Variants in OTOGL observed in about 807,000 individuals in gnomAD.
OTOGL encodes the protein otogelin like.
OTOGL carries 285 observed loss-of-function variants against 318.5 expected under a neutral mutation model. That is an observed-to-expected ratio of 0.89 (90% confidence interval 0.81 to 0.99). OTOGL has a LOEUF of 0.99. Among genes scored for constraint, OTOGL ranks in the 50% least tolerant of loss-of-function variants. The pLI is 0.00. For missense variants in OTOGL, 2,899 were observed against 2,845.6 expected, an observed-to-expected ratio of 1.02 and a Z score of -0.43; for synonymous variants, 987 against 936.5, an observed-to-expected ratio of 1.05 and a Z score of -0.99.
At chr12:80,371,991 T>C in intron 56 of OTOGL, 28 bp from the exon 57 acceptor site, 2 of 1,460,896 alleles carry the variant, frequency 1.4e-6, no homozygotes, top group South Asian at 1.4e-5. Flanking sequence ...CCATATTCTT[T>C]GACTTTATTG....
chr12:80,206,498 AC>A (rs1876819504), intron 1 of OTOGL, among the ~76,000 whole-genome samples: 1 of 152,034 alleles, frequency 6.6e-6, no homozygotes, highest in Non-Finnish European at 1.5e-5. Context: ...GCTTCCTCTT[AC>A]AAATTCTACT....
In OTOGL at chr12:80,356,925, T is replaced by C; in HGVS notation, c.6019+11T>C. The C allele has an allele frequency of 4.7e-6, 7 of 1,502,122 alleles. No homozygotes were observed. Among genetic ancestry groups the C allele is most frequent in the Non-Finnish European group, 6.3e-6 (7 of 1,118,532 alleles). 93.0% of individuals were successfully genotyped at this position (1,502,122 alleles called of 1,614,324 possible). A position where few individuals can be genotyped will look rare whatever the true frequency, so the allele number is the denominator to read the frequency against. On this transcript the variant is annotated intron_variant, in intron 49 of 58. Transcript: ENST00000547103. ...TTTCCCCTTTTTGTGGTGAGTATTG[T>C]AGAGATAATTTCTTGGAAGAAGAGA...
chr12:80,256,446 G>A lies in OTOGL; in HGVS notation c.1697G>A (p.Gly566Asp), dbSNP rs543115093. 5.1e-6 allele frequency: 8 copies of A among 1,581,934 alleles called. No homozygotes were observed. The East Asian group carries it at 1.1e-4, about 22-fold the overall frequency. Residue 566 changes from glycine to aspartate, a missense_variant, in exon 17 of 59, where the codon GGC (glycine) becomes GAC (aspartate). Coordinates refer to ENST00000547103, the MANE Select transcript of OTOGL (RefSeq NM_001378609.3). Reference sequence around the variant, plus strand: ...CAAATTCTCACTAGTCCTAACCAAGGCTTCAACCTGAATGGTAAGAAACAG... The same window carrying A: ...CAAATTCTCACTAGTCCTAACCAAGACTTCAACCTGAATGGTAAGAAACAG... The part of the protein sequence containing the change: ...GGQILTSPNQ[G>D]FNLNGIVEIQ...
chr12:80,155,550 A>G (rs1261101111), intron 1 of OTOGL, among the ~76,000 whole-genome samples: 3 of 152,220 alleles, frequency 2.0e-5, no homozygotes, highest in Non-Finnish European at 1.5e-5. Flanking sequence ...CAGGCATGCA[A>G]TGCATAATAA....
chr12:80,225,594 A>T (rs1353286816), intron 7 of OTOGL, among the ~76,000 whole-genome samples: 1 of 152,082 alleles, frequency 6.6e-6, no homozygotes, highest in Non-Finnish European at 1.5e-5. Context: ...AGCTTCACCT[A>T]TTTCCTTCTC....
At chr12:80,314,361 T>C (rs1271013956) in intron 32 of OTOGL, 30 bp downstream of exon 32, 8 of 919,142 alleles carry the variant, frequency 8.7e-6, no homozygotes, top group Non-Finnish European at 1.0e-5. Flanking sequence ...AAAATATCAC[T>C]ATAGTATTCT....
intron 16 of OTOGL, among the ~76,000 whole-genome samples, 158 bp from the exon 17 acceptor site, chr12:80,256,179 A>C (rs1592616171): frequency 6.6e-6 from 1 of 152,098 alleles, no homozygotes; most frequent in Admixed American, 6.6e-5. Flanking sequence ...CAAGGCTTTT[A>C]TATATTAGAA....
At chr12:80,188,764 T>G (rs1875478727) in intron 1 of OTOGL, among the ~76,000 whole-genome samples, 1 of 152,108 alleles carries the variant, frequency 6.6e-6, no homozygotes, top group Admixed American at 6.5e-5. Context: ...AGCCATCTGG[T>G]ATATCCAAAG....
At chr12:80,132,303 A>G (rs1480488899) in intron 1 of OTOGL, among the ~76,000 whole-genome samples, 1 of 152,074 alleles carries the variant, frequency 6.6e-6, no homozygotes, top group African/African-American at 2.4e-5. Context: ...TTGATTTTTA[A>G]TTTATTTATC....
intron 1 of OTOGL, among the ~76,000 whole-genome samples, chr12:80,153,030 T>C (rs1872885987): frequency 6.6e-6 from 1 of 152,216 alleles, no homozygotes; most frequent in African/African-American, 2.4e-5. Flanking sequence ...AAGTACTTTA[T>C]TTTTTAAATA....
intron 26 of OTOGL, among the ~76,000 whole-genome samples, chr12:80,294,393 G>T (rs1471793997): frequency 1.3e-5 from 2 of 151,966 alleles, no homozygotes; most frequent in African/African-American, 2.4e-5. Context: ...CTTTCAATCA[G>T]CTTTTCACAT....
chr12:80,174,672 C>A (rs962804005), intron 1 of OTOGL, among the ~76,000 whole-genome samples: 1 of 152,044 alleles, frequency 6.6e-6, no homozygotes, highest in African/African-American at 2.4e-5. Context: ...TTATGTATCT[C>A]CCAACAGTAT....
chr12:80,318,030 C>A (rs939467030), intron 32 of OTOGL, among the ~76,000 whole-genome samples: 1 of 152,050 alleles, frequency 6.6e-6, no homozygotes. Context: ...ATAATGTATC[C>A]TCTCAGTCTT....
chr12:80,251,564 C>T (rs1881547548), intron 11 of OTOGL, 129 bp from the exon 12 acceptor site: 4 of 640,024 alleles, frequency 6.2e-6, no homozygotes, highest in African/African-American at 3.7e-5. Flanking sequence ...ATGAGTGACA[C>T]ATATGCTGAC....
intron 1 of OTOGL, among the ~76,000 whole-genome samples, chr12:80,163,343 A>G (rs975804868): frequency 1.2e-4 from 19 of 152,262 alleles, no homozygotes; most frequent in African/African-American, 4.1e-4. Context: ...TAGTGGAATG[A>G]CAGAATCCTC....
intron 28 of OTOGL, among the ~76,000 whole-genome samples, chr12:80,303,956 A>G (rs1196042450): frequency 1.3e-5 from 2 of 152,200 alleles, no homozygotes; most frequent in Non-Finnish European, 2.9e-5. Flanking sequence ...ACCTCCAAAT[A>G]TACTTCATGT....
At chr12:80,234,024 G>A (rs1250837751) in intron 9 of OTOGL, among the ~76,000 whole-genome samples, 1 of 152,112 alleles carries the variant, frequency 6.6e-6, no homozygotes, top group Non-Finnish European at 1.5e-5. Flanking sequence ...AAGGTGAGTA[G>A]TCTTTTCTTT....
chr12:80,258,508 T>C (rs879377339), intron 18 of OTOGL, among the ~76,000 whole-genome samples: 3 of 152,142 alleles, frequency 2.0e-5, no homozygotes, highest in South Asian at 2.1e-4. Context: ...ACTGTGATTG[T>C]TGGTGTTTCA....
intron 42 of OTOGL, among the ~76,000 whole-genome samples, chr12:80,338,283 C>G (rs1410098354): frequency 1.3e-5 from 2 of 151,946 alleles, no homozygotes; most frequent in Non-Finnish European, 2.9e-5. Context: ...CAGGTCTTTT[C>G]TGGGGGAGGT....
Sources: allele counts gnomAD v4.1 joint callset (sites outside exome capture counted in the v4.1 genomes callset), GRCh38; gene constraint gnomAD v4.1.1; transcripts MANE v1.5; gene names NCBI Gene and HGNC (gene_info 2026-07-23, HGNC 2026-07-21).